The following DHX32 variants were observed in gnomAD, a reference collection of about 807,000 sequenced individuals.
DHX32 encodes the protein putative pre-mRNA-splicing factor ATP-dependent RNA helicase DHX32.
In DHX32, 51 loss-of-function variants were observed where a neutral mutation model predicts 70.0. The ratio of observed to expected loss-of-function variants is 0.73; its 90% CI spans 0.58 to 0.92. The LOEUF (loss-of-function observed/expected upper bound fraction) is 0.92. DHX32 is among the 40% of genes least tolerant of loss of function. The probability of loss-of-function intolerance (pLI) is 0.00; values close to 1 mark genes in which losing one functional copy is unlikely to be tolerated. For synonymous variants in DHX32, 310 were observed against 315.3 expected, an observed-to-expected ratio of 0.98 and a Z score of 0.18; for missense variants, 762 against 891.8, an observed-to-expected ratio of 0.85 and a Z score of 1.85.
chr10:125,847,295 T>A (rs1944034457), intron 6 of DHX32, among the ~76,000 whole-genome samples: 1 of 152,196 alleles, frequency 6.6e-6, no homozygotes, highest in African/African-American at 2.4e-5. Flanking sequence ...TGTTTTGGAT[T>A]TCTTAAGATA....
intron 6 of DHX32, among the ~76,000 whole-genome samples, chr10:125,843,604 T>TC (rs1300165899): frequency 6.6e-6 from 1 of 150,732 alleles, no homozygotes; most frequent in Non-Finnish European, 1.5e-5. Context: ...AGAGCGAGAC[T>TC]CCGTCTCAAA....
chr10:125,861,459 G>T lies in DHX32; in HGVS notation c.477-1484C>A, dbSNP rs190337822. Among the ~76,000 whole-genome samples, 307 of 152,196 alleles carry T rather than the reference G, an allele frequency of 2.0e-3. 2 individuals are homozygous for T. Among genetic ancestry groups the T allele is most frequent in the African/African-American group, 7.1e-3 (296 of 41,542 alleles). ...TTGCAGTGAGCCGAGATTGCGCCAG[G>T]GCACTCCAGCCTGGGCGACAGAGCG... On this transcript the variant is annotated intron_variant, in intron 2 of 10. Coordinates refer to ENST00000284690, the MANE Select transcript of DHX32 (RefSeq NM_018180.3).
intron 1 of DHX32, among the ~76,000 whole-genome samples, chr10:125,868,043 C>T (rs1050775902): frequency 1.3e-5 from 2 of 152,146 alleles, no homozygotes; most frequent in Non-Finnish European, 1.5e-5. Flanking sequence ...TGGTAATTTA[C>T]AATCTAAATA....
intron 3 of DHX32, among the ~76,000 whole-genome samples, chr10:125,856,578 C>A (rs916505495): frequency 6.6e-6 from 1 of 152,156 alleles, no homozygotes; most frequent in Non-Finnish European, 1.5e-5. Flanking sequence ...TGTGACACAC[C>A]TAAGGCAAAT....
intron 2 of DHX32, among the ~76,000 whole-genome samples, chr10:125,861,255 T>C (rs1009143154): frequency 4.6e-5 from 7 of 151,314 alleles, no homozygotes; most frequent in African/African-American, 1.7e-4. Flanking sequence ...CCCAGCACTT[T>C]GGGAGGCCGA....
At chr10:125,892,117 T>C (rs1564834844) in intron 1 of DHX32, among the ~76,000 whole-genome samples, 1 of 152,152 alleles carries the variant, frequency 6.6e-6, no homozygotes, top group African/African-American at 2.4e-5. Flanking sequence ...AAAAATTTTT[T>C]TCTTCTTTAG....
intron 1 of DHX32, among the ~76,000 whole-genome samples, chr10:125,871,862 CTTTTT>C (rs367881568): frequency 3.0e-5 from 4 of 131,258 alleles, no homozygotes; most frequent in Non-Finnish European, 3.3e-5. Flanking sequence ...TGCTTCTTTT[CTTTTT>C]TTTTTTTTTT....
chr10:125,853,982 A>T lies in DHX32; in HGVS notation c.1071T>A (p.Asp357Glu). 1 of 1,613,936 alleles carries T rather than the reference A, an allele frequency of 6.2e-7. No individual in the cohort carries two copies. Among genetic ancestry groups the T allele is most frequent in the Non-Finnish European group, 8.5e-7 (1 of 1,179,958 alleles). ...TTACCTTTCTTCTTTCCACACCCAC[A>T]TCGATAACAAATCTGACTGAGTTGC... Reference protein sequence around the residue: ...IWSNSVRFVIDVGVERRKVYN... With the variant: ...IWSNSVRFVIEVGVERRKVYN... The change falls in exon 4 of 11, where the codon GAT becomes GAA. Residue 357 changes from aspartate to glutamate, a missense_variant. Physicochemically the swap from Asp to Glu is conservative, Grantham distance 45. Transcript: ENST00000284690.
intron 1 of DHX32, among the ~76,000 whole-genome samples, chr10:125,870,386 G>A (rs1023360059): frequency 6.6e-6 from 1 of 152,122 alleles, no homozygotes; most frequent in African/African-American, 2.4e-5. Context: ...ACTTGTCCAA[G>A]GTCATACTGC....
At position 125,866,183 on chromosome 10, in the gene DHX32, G is replaced by A. The variant is rs574769000; in HGVS notation, c.476+807C>T. On this transcript the variant is annotated intron_variant, in intron 2 of 10. Transcript: ENST00000284690. This position sits in a 1 kb window ranked among gnomAD's most constrained non-coding sequence, Gnocchi z 4.8. The stretch of plus-strand genomic sequence containing the variant: ...CAGGCAGCTGTGACCATTTCCTTGC[G>A]GTACTGTATGGATACTATCACTTTC... Among the ~76,000 whole-genome samples the A allele has an allele frequency of 2.9e-3, 438 of 152,328 alleles. 2 individuals are homozygous for A. The highest frequency in any genetic ancestry group is 9.6e-3 in the African/African-American group (397 of 41,570).
upstream of DHX32, among the ~76,000 whole-genome samples, chr10:125,883,198 CTT>C (rs1317175113): frequency 6.6e-6 from 1 of 152,184 alleles, no homozygotes; most frequent in Non-Finnish European, 1.5e-5. Context: ...TACCTGGCCC[CTT>C]CATCACACAT....
Position 125,880,581 on chromosome 10 carries a change from T to A in DHX32, c.244A>T (p.Ile82Phe). The A allele has an allele frequency of 6.2e-7, 1 of 1,612,722 alleles. No individual in the cohort carries two copies. Among genetic ancestry groups the A allele is most frequent in the South Asian group, 1.1e-5 (1 of 90,930 alleles). ...MENLLQNQIV[I>F]VSGDAKCGKS... ...CCACATTTAGCATCTCCTGAAACAA[T>A]CACGATTTGATTTTGAAGCAGGTTC... The change falls in exon 1 of 11, where the codon ATT becomes TTT. Residue 82 changes from isoleucine to phenylalanine, a missense_variant. Ile to Phe is a conservative substitution (Grantham distance 21). Around this residue, in one of 3 missense-constraint regions of DHX32, gnomAD observed 394 missense variants for 473.1 expected, o/e 0.83. Coordinates refer to ENST00000284690, the MANE Select transcript of DHX32 (RefSeq NM_018180.3).
intron 6 of DHX32, 132 bp downstream of exon 6, chr10:125,852,161 G>T: frequency 9.0e-7 from 1 of 1,110,258 alleles, no homozygotes; most frequent in Non-Finnish European, 1.2e-6. Context: ...GCAGGAAAAT[G>T]CTTCAGTCCA....
chr10:125,838,978 G>A (rs1854786217), intron 9 of DHX32, 23 bp downstream of exon 9: 1 of 1,607,588 alleles, frequency 6.2e-7, no homozygotes, highest in South Asian at 1.1e-5. Flanking sequence ...AGCCTATGCT[G>A]AGGTGACCCC....
intron 1 of DHX32, among the ~76,000 whole-genome samples, chr10:125,871,659 T>C (rs1435482646): frequency 3.3e-5 from 5 of 152,232 alleles, no homozygotes; most frequent in Admixed American, 2.6e-4. Flanking sequence ...CTAAGTAACA[T>C]ACTGAGGGTT....
intron 6 of DHX32, among the ~76,000 whole-genome samples, chr10:125,845,239 C>T (rs1943999797): frequency 6.6e-6 from 1 of 152,148 alleles, no homozygotes; most frequent in Non-Finnish European, 1.5e-5. Context: ...CGGTTGGCTC[C>T]CAAACCCTCA....
At position 125,853,278 on chromosome 10, in the gene DHX32, T is replaced by C. The variant is rs372952201; in HGVS notation, c.1093-636A>G. On this transcript the variant is annotated intron_variant, in intron 4 of 10. Coordinates refer to ENST00000284690, the MANE Select transcript of DHX32 (RefSeq NM_018180.3). ...GATATTTAGGAGGCTCATAGTCTCC[T>C]GGAGGGATAAAACATCTCGGCACCT... 53 of 1,358,416 alleles carry C rather than the reference T, an allele frequency of 3.9e-5. No individual in the cohort carries two copies. In the African/African-American group the frequency reaches 7.3e-4, roughly 19 times the overall value. 84.1% of individuals were successfully genotyped at this position (1,358,416 alleles called of 1,614,324 possible).
Position 125,837,177 on chromosome 10 carries a change from T to C in DHX32, c.2064-322A>G, listed in dbSNP as rs1046925930. On this transcript the variant is annotated intron_variant, in intron 10 of 10. Coordinates refer to ENST00000284690, the MANE Select transcript of DHX32 (RefSeq NM_018180.3). ...CATATAAGAGGCACCAATCGTATGCTTAAGAGAGCTTTGGGTAGGGGAGAG... is the reference window on the plus strand; with the variant it reads ...CATATAAGAGGCACCAATCGTATGCCTAAGAGAGCTTTGGGTAGGGGAGAG... 3.3e-5 allele frequency among the ~76,000 whole-genome samples: 5 copies of C among 152,334 alleles called. No homozygotes were observed. In the South Asian group the frequency reaches 8.3e-4, roughly 25 times the overall value.
intron 3 of DHX32, among the ~76,000 whole-genome samples, chr10:125,855,024 G>C (rs1944133915): frequency 6.6e-6 from 1 of 151,970 alleles, no homozygotes; most frequent in Admixed American, 6.6e-5. Flanking sequence ...AAGAGATTGG[G>C]ACCATCCTGG....
Sources: allele counts gnomAD v4.1 joint callset (sites outside exome capture counted in the v4.1 genomes callset), GRCh38; gene constraint gnomAD v4.1.1; regional missense constraint gnomAD v4.1.1; non-coding constraint Gnocchi (gnomAD v3.1); transcripts MANE v1.5; gene names NCBI Gene and HGNC (gene_info 2026-07-23, HGNC 2026-07-21).